Variants in MDM4 observed in about 807,000 individuals in gnomAD.
The protein encoded by MDM4 is protein Mdm4.
A neutral mutation model predicts 60.2 loss-of-function variants in MDM4; 2 were observed. The observed-to-expected ratio is 0.03, with a 90% CI of 0.01 to 0.10. MDM4 has a LOEUF of 0.10. Among genes scored for constraint, MDM4 ranks in the 10% least tolerant of loss-of-function variants. The probability of loss-of-function intolerance (pLI) is 1.00; values close to 1 mark genes in which losing one functional copy is unlikely to be tolerated. For synonymous variants in MDM4, 202 were observed against 198.1 expected, an observed-to-expected ratio of 1.02 and a Z score of -0.17; for missense variants, 447 against 577.5, an observed-to-expected ratio of 0.77 and a Z score of 2.32.
At chr1:204,530,877 T>G in intron 4 of MDM4, 60 bp downstream of exon 4, 1 of 1,601,690 alleles carries the variant, frequency 6.2e-7, no homozygotes, top group Non-Finnish European at 8.5e-7. Context: ...ACTTAATTTC[T>G]ATGGGTTATT....
At chr1:204,526,955 A>G (rs1156995871) in intron 3 of MDM4, among the ~76,000 whole-genome samples, 1 of 152,090 alleles carries the variant, frequency 6.6e-6, no homozygotes, top group African/African-American at 2.4e-5. Context: ...AAGATGAACC[A>G]TGAATTCATT....
chr1:204,558,008 CTTA>C lies in MDM4; in HGVS notation c.*8328_*8330del, dbSNP rs1468449679. 7 of 185,524 alleles carry C rather than the reference CTTA, an allele frequency of 3.8e-5. No homozygotes were observed. In the East Asian group the frequency reaches 6.1e-4, roughly 16 times the overall value. The allele number at this position is 185,524 out of a possible 1,614,324, so 11.5% of individuals were successfully genotyped here. A position where few individuals can be genotyped will look rare whatever the true frequency, so the allele number is the denominator to read the frequency against. On this transcript the variant is annotated 3_prime_UTR_variant, in exon 11 of 11. Transcript: ENST00000367182. Reference sequence around the variant, plus strand: ...TTTTCTGCATTCTTGCCTAGTTTTCCTTATAAGCACCACTAAGTTAATAGCTCT... The same window carrying C: ...TTTTCTGCATTCTTGCCTAGTTTTCCTAAGCACCACTAAGTTAATAGCTCT...
At chr1:204,542,148 AT>A (rs530491266) in intron 7 of MDM4, among the ~76,000 whole-genome samples, 15 of 152,204 alleles carry the variant, frequency 9.9e-5, no homozygotes, top group Admixed American at 2.6e-4. Flanking sequence ...GAGCCCATTG[AT>A]CCAGCGAGGG....
chr1:204,520,053 G>A (rs1194576549), intron 1 of MDM4, among the ~76,000 whole-genome samples: 7 of 152,070 alleles, frequency 4.6e-5, no homozygotes, highest in African/African-American at 1.4e-4. Context: ...CGAGGCGGGC[G>A]GATCACGAGG....
At chr1:204,522,322 T>G (rs1475531277) in intron 1 of MDM4, among the ~76,000 whole-genome samples, 1 of 151,550 alleles carries the variant, frequency 6.6e-6, no homozygotes, top group Admixed American at 6.6e-5. Flanking sequence ...AGAGTGAGAC[T>G]CCATCACACA....
At chr1:204,518,630 T>A (rs1472837338) in intron 1 of MDM4, among the ~76,000 whole-genome samples, 1 of 152,142 alleles carries the variant, frequency 6.6e-6, no homozygotes, top group African/African-American at 2.4e-5. Flanking sequence ...TTGGGGATGG[T>A]GGAATGGTCA....
Position 204,518,419 on chromosome 1 carries a change from C to T in MDM4, c.-36+1910C>T, listed in dbSNP as rs886443971. On this transcript the variant is annotated intron_variant, in intron 1 of 10. Transcript: ENST00000367182. The stretch of plus-strand genomic sequence containing the variant: ...TTAATCTTCCCTGCCGTCCCAGGTC[C>T]TGTAGAACACCTACGTTCTGGATTT... Among the ~76,000 whole-genome samples the T allele has an allele frequency of 5.1e-4, 77 of 152,332 alleles. 1 individual carries two copies. The highest frequency in any genetic ancestry group is 2.6e-4 in the Admixed American group (4 of 15,298).
intron 5 of MDM4, among the ~76,000 whole-genome samples, chr1:204,536,033 G>A (rs1364557786): frequency 2.6e-5 from 4 of 151,824 alleles, no homozygotes; most frequent in Non-Finnish European, 5.9e-5. Flanking sequence ...AGGCCGAGGC[G>A]GGTGGATCAC....
chr1:204,528,660 G>C (rs562404032), intron 3 of MDM4, among the ~76,000 whole-genome samples: 2 of 152,278 alleles, frequency 1.3e-5, no homozygotes, highest in Non-Finnish European at 2.9e-5. Context: ...CCTCAGCCCT[G>C]GTCCTCACTA....
rs772415167 is a variant in MDM4 at position 204,550,420 on chromosome 1, C to T, written c.*738C>T. ...GCTCAAACAATCCTCCCGCCTCAGC[C>T]TTCCAAATTGCTGGGATTATAGTCA... On this transcript the variant is annotated 3_prime_UTR_variant, in exon 11 of 11. Transcript: ENST00000367182. The T allele has an allele frequency of 4.8e-5, 10 of 208,236 alleles. No individual in the cohort carries two copies. Among genetic ancestry groups the T allele is most frequent in the Non-Finnish European group, 8.8e-5 (9 of 102,420 alleles). 12.9% of individuals were successfully genotyped at this position (208,236 alleles called of 1,614,324 possible). A position where few individuals can be genotyped will look rare whatever the true frequency, so the allele number is the denominator to read the frequency against.
chr1:204,530,731 T>C lies in MDM4; in HGVS notation c.201T>C (p.Asp67=), dbSNP rs138351412. 2 of 1,614,078 alleles carry C rather than the reference T, an allele frequency of 1.2e-6. No individual in the cohort carries two copies. Among genetic ancestry groups the C allele is most frequent in the African/African-American group, 2.7e-5 (2 of 74,938 alleles). The change falls in exon 4 of 11, where the codon GAT becomes GAC. Residue 67 remains aspartate (D), a synonymous_variant. Transcript: ENST00000367182. ...ACATAATGGTGAAGCAACTTTATGA[T>C]CAGCAGGAGCAGCATATGGTATATT... ...GQYIMVKQLY[D]QQEQHMVYCG...
intron 2 of MDM4, 31 bp from the exon 3 acceptor site, chr1:204,526,329 A>C: frequency 6.4e-7 from 1 of 1,565,192 alleles, no homozygotes; most frequent in Non-Finnish European, 8.8e-7. Context: ...CTTGAAATGT[A>C]AATAGCACAT....
intron 1 of MDM4, among the ~76,000 whole-genome samples, chr1:204,521,796 G>A (rs1659592775): frequency 6.6e-6 from 1 of 152,048 alleles, no homozygotes; most frequent in African/African-American, 2.4e-5. Flanking sequence ...TTTAGACACT[G>A]GAAATGTATA....
In MDM4 at chr1:204,533,154, T is replaced by G. The variant is rs979412427; in HGVS notation, c.343+908T>G. ...TCTAGACCTTCTAAATACTGCTCTT[T>G]AACTATTAGGTATGTATAGGAAACT... On this transcript the variant is annotated intron_variant, in intron 5 of 10. Transcript: ENST00000367182. 5.4e-4 allele frequency among the ~76,000 whole-genome samples: 82 copies of G among 152,340 alleles called. 1 individual carries two copies. Among genetic ancestry groups the G allele is most frequent in the African/African-American group, 1.9e-3 (78 of 41,568 alleles).
chr1:204,545,100 A>G (rs955192579), intron 9 of MDM4, among the ~76,000 whole-genome samples: 42 of 152,126 alleles, frequency 2.8e-4, no homozygotes, highest in African/African-American at 9.9e-4. Context: ...ATCAGTTATC[A>G]TTAGTGTTAG....
In MDM4 at chr1:204,552,872, CT is replaced by C. The variant is rs71147703; in HGVS notation, c.*3206del. ...AACTTTAAACTATTTCTTTTCTTTT[CT>C]TTTTTTTTTTTTTTTACTTGAGATG... On this transcript the variant is annotated 3_prime_UTR_variant, in exon 11 of 11. Coordinates refer to ENST00000367182, the MANE Select transcript of MDM4 (RefSeq NM_002393.5). 929 of 133,868 alleles carry C rather than the reference CT, an allele frequency of 6.9e-3. 2 individuals are homozygous for C. The highest frequency in any genetic ancestry group is 0.019 in the East Asian group (117 of 6,126). The allele number at this position is 133,868 out of a possible 1,614,324, so 8.3% of individuals were successfully genotyped here.
rs555955104 is a variant in MDM4, at chr1:204,529,663, A to G, written c.154-1021A>G. On this transcript the variant is annotated intron_variant, in intron 3 of 10. Coordinates refer to ENST00000367182, the MANE Select transcript of MDM4 (RefSeq NM_002393.5). ...TTCCTGGCGCTTGCCCTGCATCTCC[A>G]GGGCAGCCCCGCCCATACAGATAGC... The G allele has an allele frequency of 3.4e-5, 24 of 699,856 alleles. No individual in the cohort carries two copies. In the South Asian group the frequency reaches 5.0e-4, roughly 15 times the overall value. 43.4% of individuals were successfully genotyped at this position (699,856 alleles called of 1,614,324 possible). A position where few individuals can be genotyped will look rare whatever the true frequency, so the allele number is the denominator to read the frequency against.
Position 204,516,467 on chromosome 1 carries a change from C to T in MDM4, c.-78C>T, listed in dbSNP as rs1016768539. ...GATCTGTGACTGCCACCCCTCCCCC[C>T]ACCCGGGCTCGGCGGGGGAGCGACT... is the stretch of plus-strand genomic sequence containing the variant. On this transcript the variant is annotated 5_prime_UTR_variant, in exon 1 of 11. Transcript: ENST00000367182. 1 of 152,286 alleles carries T rather than the reference C, an allele frequency of 6.6e-6. No individual in the cohort carries two copies. Among genetic ancestry groups the T allele is most frequent in the Non-Finnish European group, 1.5e-5 (1 of 68,096 alleles). The allele number at this position is 152,286 out of a possible 1,614,324, so 9.4% of individuals were successfully genotyped here.
At chr1:204,544,132 C>T (rs1662407785) in intron 8 of MDM4, among the ~76,000 whole-genome samples, 1 of 152,146 alleles carries the variant, frequency 6.6e-6, no homozygotes, top group African/African-American at 2.4e-5. Context: ...TAATAAACAT[C>T]CTTGACCATT....
Sources: allele counts gnomAD v4.1 joint callset (sites outside exome capture counted in the v4.1 genomes callset), GRCh38; gene constraint gnomAD v4.1.1; transcripts MANE v1.5; gene names NCBI Gene and HGNC (gene_info 2026-07-23, HGNC 2026-07-21).